The following LRMDA variants were observed in gnomAD, a reference collection of about 807,000 sequenced individuals.
LRMDA encodes leucine-rich melanocyte differentiation-associated protein.
LRMDA carries 18 observed loss-of-function variants against 29.8 expected under a neutral mutation model. The ratio of observed to expected loss-of-function variants is 0.60; its 90% CI spans 0.42 to 0.90. The LOEUF is 0.90. Ranked by LOEUF, LRMDA falls within the 40% of genes least tolerant of loss-of-function variation. The pLI is 0.00. For missense variants in LRMDA, 273 were observed against 273.9 expected (o/e 1.00, Z 0.02); for synonymous variants, 125 against 109.4 (o/e 1.14, Z -0.89).
At chr10:76,414,650 G>T (rs1312973222) in intron 6 of LRMDA, among the ~76,000 whole-genome samples, 2 of 152,190 alleles carry the variant, frequency 1.3e-5, no homozygotes, top group Non-Finnish European at 2.9e-5. Flanking sequence ...AAGCAACAGA[G>T]AAAAATGGAA....
At chr10:76,456,855 T>G (rs549291255) in intron 6 of LRMDA, among the ~76,000 whole-genome samples, 7 of 152,168 alleles carry the variant, frequency 4.6e-5, no homozygotes, top group Admixed American at 3.9e-4. Flanking sequence ...TTCTTTTTTA[T>G]TTTTTGGGGT....
chr10:76,378,753 T>A (rs1419734380), intron 6 of LRMDA, among the ~76,000 whole-genome samples: 1 of 152,146 alleles, frequency 6.6e-6, no homozygotes, highest in Non-Finnish European at 1.5e-5. Flanking sequence ...ATGTTTTTGA[T>A]GTGCTACTTA....
In LRMDA at chr10:75,613,119, T is replaced by G. The variant is rs546078544; in HGVS notation, c.131+174625T>G. On this transcript the variant is annotated intron_variant, in intron 2 of 6. Transcript: ENST00000611255. Reference sequence around the variant, plus strand: ...TGTAGACTTGAAAACCTTGCCAATTTTTTTTTTTTTGTAGCAGTTAACTGT... The same window carrying G: ...TGTAGACTTGAAAACCTTGCCAATTGTTTTTTTTTTGTAGCAGTTAACTGT... 4.6e-5 allele frequency among the ~76,000 whole-genome samples: 7 copies of G among 151,728 alleles called. No homozygotes were observed. In the South Asian group the frequency reaches 1.3e-3, roughly 27 times the overall value.
intron 2 of LRMDA, among the ~76,000 whole-genome samples, chr10:75,663,490 G>A (rs796993908): frequency 6.6e-6 from 1 of 152,118 alleles, no homozygotes; most frequent in South Asian, 2.1e-4. Context: ...GGCCTCGAGT[G>A]TGTTCTTATC....
chr10:76,294,544 G>A (rs1457581174), intron 5 of LRMDA, among the ~76,000 whole-genome samples: 1 of 152,026 alleles, frequency 6.6e-6, no homozygotes, highest in East Asian at 1.9e-4. Flanking sequence ...TTTTTATCAA[G>A]AACATGTAAG....
At chr10:76,262,739 G>T (rs559985396) in intron 5 of LRMDA, among the ~76,000 whole-genome samples, 31 of 152,090 alleles carry the variant, frequency 2.0e-4, no homozygotes, top group Admixed American at 6.5e-4. Flanking sequence ...GGTTCTGCTG[G>T]CCCCTGTTTT....
intron 2 of LRMDA, among the ~76,000 whole-genome samples, chr10:75,662,839 A>T (rs1000417617): frequency 6.6e-6 from 1 of 152,234 alleles, no homozygotes; most frequent in African/African-American, 2.4e-5. Flanking sequence ...TCCTGGCTGC[A>T]GTGACAGAAA....
intron 5 of LRMDA, among the ~76,000 whole-genome samples, chr10:76,206,031 C>A (rs1434324427): frequency 1.3e-5 from 2 of 152,138 alleles, no homozygotes; most frequent in Non-Finnish European, 2.9e-5. Flanking sequence ...GATAATCATC[C>A]ACTGGGACGA....
chr10:76,062,104 A>G (rs931764263), intron 5 of LRMDA, among the ~76,000 whole-genome samples: 4 of 152,250 alleles, frequency 2.6e-5, no homozygotes, highest in South Asian at 2.1e-4. Context: ...GTGGCAAGCA[A>G]TTTCCTTTCC....
At chr10:76,342,422 A>G (rs1269452601) in intron 6 of LRMDA, among the ~76,000 whole-genome samples, 4 of 152,106 alleles carry the variant, frequency 2.6e-5, no homozygotes, top group Admixed American at 1.3e-4. Flanking sequence ...ACATATATTA[A>G]CTTGAAAAAA....
chr10:76,345,941 A>G (rs1212134665), intron 6 of LRMDA, among the ~76,000 whole-genome samples: 1 of 152,188 alleles, frequency 6.6e-6, no homozygotes, highest in Non-Finnish European at 1.5e-5. Context: ...AAAAAAGGTT[A>G]AGGTAAGCAA....
At chr10:75,943,023 C>T (rs1846419067) in intron 2 of LRMDA, among the ~76,000 whole-genome samples, 2 of 152,070 alleles carry the variant, frequency 1.3e-5, no homozygotes, top group Admixed American at 1.3e-4. Flanking sequence ...ACTTTGTGGT[C>T]AGGCCATTTT....
chr10:76,416,929 A>G (rs544597633), intron 6 of LRMDA, among the ~76,000 whole-genome samples: 18 of 152,344 alleles, frequency 1.2e-4, no homozygotes, highest in African/African-American at 4.3e-4. Context: ...TTATGGATGT[A>G]TAAGCACTAT....
At chr10:76,130,713 G>A (rs1192115362) in intron 5 of LRMDA, among the ~76,000 whole-genome samples, 1 of 152,134 alleles carries the variant, frequency 6.6e-6, no homozygotes, top group Non-Finnish European at 1.5e-5. Context: ...AGGCTGGAGT[G>A]CAAAGGTGCG....
chr10:75,863,429 G>A (rs965622417), intron 2 of LRMDA, among the ~76,000 whole-genome samples: 1 of 152,158 alleles, frequency 6.6e-6, no homozygotes, highest in Admixed American at 6.5e-5. Context: ...GGATGATCTG[G>A]TGTTCTGTGG....
chr10:76,550,980 A>G (rs1383503857), intron 6 of LRMDA, among the ~76,000 whole-genome samples: 2 of 152,218 alleles, frequency 1.3e-5, no homozygotes, highest in Admixed American at 1.3e-4. Flanking sequence ...ACCTCAGGGT[A>G]TTGCTCCAGC....
intron 5 of LRMDA, among the ~76,000 whole-genome samples, chr10:76,070,394 G>A (rs1332564672): frequency 2.0e-5 from 3 of 152,194 alleles, no homozygotes; most frequent in Non-Finnish European, 4.4e-5. Context: ...CAGCATGGTT[G>A]GGTTCAGGTG....
chr10:75,659,201 G>C (rs558979713), intron 2 of LRMDA, among the ~76,000 whole-genome samples: 87 of 152,182 alleles, frequency 5.7e-4, no homozygotes, highest in Non-Finnish European at 1.1e-3. Flanking sequence ...CTCTTAGGGA[G>C]TTCAAGAACC....
chr10:75,598,596 T>C (rs1840834087), intron 2 of LRMDA, among the ~76,000 whole-genome samples: 1 of 152,048 alleles, frequency 6.6e-6, no homozygotes, highest in African/African-American at 2.4e-5. Flanking sequence ...ATCTGGTGAA[T>C]TTCTCCATTT....
Sources: gnomAD v4.1 joint callset for allele counts (sites outside exome capture counted in the v4.1 genomes callset) on GRCh38, gnomAD v4.1.1 for gene constraint, MANE v1.5 for transcripts, NCBI Gene and HGNC (gene_info 2026-07-23, HGNC 2026-07-21) for gene names.